The following EGFLAM variants were observed in gnomAD, a reference collection of about 807,000 sequenced individuals.
EGFLAM encodes pikachurin.
Under a neutral mutation model 113.1 loss-of-function variants are expected in EGFLAM, and 79 were observed. That is an observed-to-expected ratio of 0.70 (90% CI 0.58 to 0.84). EGFLAM has a LOEUF of 0.84. Among genes scored for constraint, EGFLAM ranks in the 40% least tolerant of loss-of-function variants. EGFLAM has a pLI of 0.00. For missense variants in EGFLAM, 1,265 were observed against 1,291.6 expected (o/e 0.98, Z 0.32); for synonymous variants, 504 against 487.6 (o/e 1.03, Z -0.44).
rs183260811 is a variant in EGFLAM, at chr5:38,392,370, C to T, written c.713-13756C>T. Among the ~76,000 whole-genome samples the T allele has an allele frequency of 4.8e-4, 73 of 152,222 alleles. No individual in the cohort carries two copies. The East Asian group carries it at 0.013, about 28-fold the overall frequency. On this transcript the variant is annotated intron_variant, in intron 6 of 21. Transcript: ENST00000322350. ...ATCCACTCTGTCATTGATGGGCATT[C>T]GGGTTGATTCCATATCTTTGCTATT...
intron 1 of EGFLAM, among the ~76,000 whole-genome samples, chr5:38,333,916 G>GTTTTTTTTTTTTTTT (rs70978880): frequency 3.4e-5 from 1 of 29,308 alleles, no homozygotes; most frequent in Non-Finnish European, 5.7e-5. Context: ...ATTGTTGAGG[G>GTTTTTTTTTTTTTTT]TTTTTTTTTT....
chr5:38,386,786 T>G (rs1561061319), intron 6 of EGFLAM, among the ~76,000 whole-genome samples: 1 of 152,156 alleles, frequency 6.6e-6, no homozygotes, highest in Non-Finnish European at 1.5e-5. Flanking sequence ...ATTACAGGAG[T>G]GAGCCACTGT....
intron 20 of EGFLAM, among the ~76,000 whole-genome samples, chr5:38,458,987 A>G (rs2112287576): frequency 6.6e-6 from 1 of 150,882 alleles, no homozygotes; most frequent in South Asian, 2.1e-4. Context: ...AAAAAAAAAG[A>G]CTTTCAAATC....
intron 6 of EGFLAM, among the ~76,000 whole-genome samples, chr5:38,391,410 G>T (rs62353642): frequency 2.1e-4 from 32 of 151,154 alleles, no homozygotes; most frequent in African/African-American, 7.3e-4. Context: ...GTGTGTGTGT[G>T]TGTGTGTGAT....
intron 1 of EGFLAM, chr5:38,282,205 A>G (rs1758036347): frequency 1.3e-5 from 2 of 152,240 alleles, no homozygotes; most frequent in South Asian, 4.1e-4. Context: ...TTTAGAATTA[A>G]TTAGGTCACC....
intron 11 of EGFLAM, among the ~76,000 whole-genome samples, chr5:38,413,667 T>C (rs1741555792): frequency 6.6e-6 from 1 of 152,204 alleles, no homozygotes; most frequent in African/African-American, 2.4e-5. Flanking sequence ...AGGAAAAATG[T>C]AGCAAGAAAG....
chr5:38,282,440 C>A (rs1399630147), intron 1 of EGFLAM: 2 of 152,164 alleles, frequency 1.3e-5, no homozygotes, highest in Non-Finnish European at 2.9e-5. Context: ...GTTATCCCAC[C>A]TGAGGGGTGA....
chr5:38,375,758 G>A (rs1318261271), intron 6 of EGFLAM, among the ~76,000 whole-genome samples: 2 of 152,156 alleles, frequency 1.3e-5, no homozygotes, highest in Non-Finnish European at 2.9e-5. Flanking sequence ...AAGTGAGAAA[G>A]GAGGATGGTG....
chr5:38,258,703 C>A lies in EGFLAM; in HGVS notation c.-52C>A. On this transcript the variant is annotated 5_prime_UTR_variant, in exon 1 of 22. Coordinates refer to ENST00000322350, the MANE Select transcript of EGFLAM (RefSeq NM_152403.4). Reference sequence around the variant, plus strand: ...TCCCCCACGCGCCCCCGGAGACGCCCTTTCCGTGTGCGCCCGGGACTTGGT... The same window carrying A: ...TCCCCCACGCGCCCCCGGAGACGCCATTTCCGTGTGCGCCCGGGACTTGGT... 1 of 1,564,356 alleles carries A rather than the reference C, an allele frequency of 6.4e-7. No individual in the cohort carries two copies. Among genetic ancestry groups the A allele is most frequent in the East Asian group, 2.4e-5 (1 of 42,056 alleles).
At chr5:38,272,580 A>G (rs1757790341) in intron 1 of EGFLAM, among the ~76,000 whole-genome samples, 1 of 152,228 alleles carries the variant, frequency 6.6e-6, no homozygotes, top group South Asian at 2.1e-4. Flanking sequence ...TATGAAGATC[A>G]ATTCTGTATT....
chr5:38,317,481 G>A (rs992151594), intron 1 of EGFLAM, among the ~76,000 whole-genome samples: 5 of 152,064 alleles, frequency 3.3e-5, no homozygotes, highest in Admixed American at 6.5e-5. Context: ...TGGGGGCAGC[G>A]GACTGTCTTT....
At chr5:38,316,269 T>C (rs1738592369) in intron 1 of EGFLAM, among the ~76,000 whole-genome samples, 1 of 152,018 alleles carries the variant, frequency 6.6e-6, no homozygotes, top group Admixed American at 6.5e-5. Context: ...TGATTGAACA[T>C]TTTACCTCTT....
At chr5:38,348,288 G>C (rs2111975973) in intron 3 of EGFLAM, among the ~76,000 whole-genome samples, 1 of 152,192 alleles carries the variant, frequency 6.6e-6, no homozygotes, top group Non-Finnish European at 1.5e-5. Context: ...GAAGCTAAGG[G>C]AGTGGGAGAT....
At chr5:38,295,420 G>C (rs568986177) in intron 1 of EGFLAM, among the ~76,000 whole-genome samples, 1 of 152,280 alleles carries the variant, frequency 6.6e-6, no homozygotes, top group South Asian at 2.1e-4. Flanking sequence ...ATTTAAAAAA[G>C]TTTTTAAAAA....
At chr5:38,421,221 A>G (rs1490028834) in intron 12 of EGFLAM, among the ~76,000 whole-genome samples, 1 of 152,088 alleles carries the variant, frequency 6.6e-6, no homozygotes, top group African/African-American at 2.4e-5. Context: ...TCCACTTCAT[A>G]TCCTGTCTTT....
chr5:38,347,220 C>T (rs1239442557), intron 3 of EGFLAM, among the ~76,000 whole-genome samples: 1 of 152,178 alleles, frequency 6.6e-6, no homozygotes, highest in Non-Finnish European at 1.5e-5. Flanking sequence ...CATCTGTTTA[C>T]ATGAGACATC....
intron 5 of EGFLAM, among the ~76,000 whole-genome samples, chr5:38,361,751 A>G (rs1355135724): frequency 1.3e-5 from 2 of 152,226 alleles, no homozygotes; most frequent in Non-Finnish European, 2.9e-5. Flanking sequence ...AGAGGATGCC[A>G]GCAACTAGCT....
At chr5:38,391,495 T>C (rs1740810326) in intron 6 of EGFLAM, among the ~76,000 whole-genome samples, 1 of 151,476 alleles carries the variant, frequency 6.6e-6, no homozygotes, top group African/African-American at 2.4e-5. Flanking sequence ...ACCTCCTGGG[T>C]TCAAGTGATT....
intron 1 of EGFLAM, among the ~76,000 whole-genome samples, chr5:38,333,789 A>G (rs912103535): frequency 9.2e-5 from 14 of 152,044 alleles, no homozygotes; most frequent in African/African-American, 3.4e-4. Context: ...TGCTGTGCAG[A>G]AGCTCTTAAG....
Sources: allele counts gnomAD v4.1 joint callset (sites outside exome capture counted in the v4.1 genomes callset), GRCh38; gene constraint gnomAD v4.1.1; transcripts MANE v1.5; gene names NCBI Gene and HGNC (gene_info 2026-07-23, HGNC 2026-07-21).